UNC13B: variants seen among roughly 807,000 people sequenced by gnomAD.
UNC13B encodes the protein unc-13 homolog B, also known as protein unc-13 homolog B.
UNC13B carries 144 observed loss-of-function variants against 211.0 expected under a neutral mutation model. The observed-to-expected ratio is 0.68, with a 90% CI of 0.60 to 0.78. UNC13B has a LOEUF of 0.78. UNC13B is among the 30% of genes least tolerant of loss of function. The pLI, the probability that UNC13B is intolerant of heterozygous loss-of-function variation, is 0.00. For missense variants in UNC13B, 1,777 were observed against 2,002.0 expected, an observed-to-expected ratio of 0.89 and a Z score of 2.14; for synonymous variants, 709 against 725.8, an observed-to-expected ratio of 0.98 and a Z score of 0.37.
At chr9:35,314,090 G>T in intron 11 of UNC13B, 101 bp downstream of exon 11, 1 of 965,298 alleles carries the variant, frequency 1.0e-6, no homozygotes, top group Non-Finnish European at 1.7e-6. Flanking sequence ...TCTTCTTACA[G>T]TGTGCTTCTG....
intron 1 of UNC13B, among the ~76,000 whole-genome samples, chr9:35,209,402 G>C (rs1424214760): frequency 6.6e-6 from 1 of 151,718 alleles, no homozygotes; most frequent in Non-Finnish European, 1.5e-5. Flanking sequence ...TTTTAAAATA[G>C]AGTCTTGCTC....
chr9:35,284,146 A>C (rs777048685), intron 7 of UNC13B, among the ~76,000 whole-genome samples: 1 of 152,144 alleles, frequency 6.6e-6, no homozygotes, highest in African/African-American at 2.4e-5. Context: ...TGTAGCCTGT[A>C]GTCCAGCTAC....
chr9:35,344,846 A>G (rs919195636), intron 11 of UNC13B, among the ~76,000 whole-genome samples: 2 of 152,074 alleles, frequency 1.3e-5, no homozygotes, highest in African/African-American at 4.8e-5. Flanking sequence ...TTGTCCAACT[A>G]TGTTCTGGTT....
chr9:35,317,913 A>C (rs1830547081), intron 11 of UNC13B, among the ~76,000 whole-genome samples: 1 of 152,092 alleles, frequency 6.6e-6, no homozygotes, highest in Non-Finnish European at 1.5e-5. Flanking sequence ...AAGTTTTTTA[A>C]AAGTAAGGGT....
intron 1 of UNC13B, among the ~76,000 whole-genome samples, chr9:35,226,353 G>GGT (rs142509730): frequency 3.5e-3 from 530 of 150,544 alleles, no homozygotes; most frequent in East Asian, 7.2e-3. Flanking sequence ...GAACTGATAG[G>GGT]GTGTGTGTGT....
intron 11 of UNC13B, among the ~76,000 whole-genome samples, chr9:35,336,515 G>A (rs575345427): frequency 2.6e-5 from 4 of 151,776 alleles, no homozygotes; most frequent in East Asian, 1.9e-4. Context: ...TTATTTTTTC[G>A]AGAAAGAGTC....
chr9:35,398,403 G>C (rs1475806625), intron 31 of UNC13B, 115 bp downstream of exon 31: 2 of 1,417,030 alleles, frequency 1.4e-6, no homozygotes, highest in African/African-American at 2.8e-5. Context: ...TTGGGGTCTG[G>C]GCTGGCTTAA....
chr9:35,220,225 G>A (rs906613586), intron 1 of UNC13B, among the ~76,000 whole-genome samples: 4 of 151,830 alleles, frequency 2.6e-5, no homozygotes, highest in Admixed American at 6.6e-5. Flanking sequence ...GGCATACAGT[G>A]CTTAATCACA....
At chr9:35,183,653 G>A (rs1403367402) in intron 1 of UNC13B, among the ~76,000 whole-genome samples, 9 of 139,788 alleles carry the variant, frequency 6.4e-5, no homozygotes, top group African/African-American at 2.4e-4. Flanking sequence ...CATCCCAGAC[G>A]ATGGGCGGCC....
At chr9:35,261,740 C>T (rs1407045529) in intron 7 of UNC13B, among the ~76,000 whole-genome samples, 1 of 152,062 alleles carries the variant, frequency 6.6e-6, no homozygotes, top group African/African-American at 2.4e-5. Context: ...TTTTTGTACG[C>T]ATTAACCGTC....
At chr9:35,289,410 C>CT (rs1195041771) in intron 7 of UNC13B, among the ~76,000 whole-genome samples, 2 of 152,094 alleles carry the variant, frequency 1.3e-5, no homozygotes, top group South Asian at 2.1e-4. Flanking sequence ...GGAGTTGTGT[C>CT]TTTTTTTCTG....
intron 11 of UNC13B, among the ~76,000 whole-genome samples, chr9:35,319,444 C>T (rs1427323957): frequency 7.9e-6 from 1 of 126,500 alleles, no homozygotes; most frequent in Non-Finnish European, 1.6e-5. Context: ...AAATTAGATA[C>T]AGGGGATACC....
At chr9:35,379,720 T>C (rs1307145191) in intron 17 of UNC13B, among the ~76,000 whole-genome samples, 2 of 152,228 alleles carry the variant, frequency 1.3e-5, no homozygotes, top group Non-Finnish European at 2.9e-5. Context: ...TTCAAGAAGC[T>C]CCTTGTTGAT....
chr9:35,312,001 T>C (rs1219785916), intron 10 of UNC13B, among the ~76,000 whole-genome samples: 1 of 152,146 alleles, frequency 6.6e-6, no homozygotes, highest in Non-Finnish European at 1.5e-5. Flanking sequence ...TTCTTTGTTG[T>C]GTATATTATA....
rs752794494 is a variant in UNC13B at position 35,397,668 on chromosome 9, A to ATT, written c.11711_11712insTT (p.Leu3905SerfsTer19). The stretch of plus-strand genomic sequence containing the variant: ...GAAGGTGCTGATGCAGTATGCAGAC[A>ATT]TCTTGTCAAAGGACTTCCCAGCCTA... On this transcript the variant is annotated frameshift_variant, in exon 30 of 40. Coordinates refer to ENST00000635942, the MANE Select transcript of UNC13B (RefSeq NM_001371189.2). LOFTEE classifies it high-confidence loss of function. 1 of 1,614,086 alleles carries ATT rather than the reference A, an allele frequency of 6.2e-7. No individual in the cohort carries two copies. The highest frequency in any genetic ancestry group is 8.5e-7 in the Non-Finnish European group (1 of 1,180,006).
At chr9:35,214,982 G>C (rs1392623089) in intron 1 of UNC13B, among the ~76,000 whole-genome samples, 2 of 152,190 alleles carry the variant, frequency 1.3e-5, no homozygotes, top group Non-Finnish European at 2.9e-5. Flanking sequence ...CATTTAGTAA[G>C]TATTTGTTGA....
chr9:35,212,527 T>C (rs1291162305), intron 1 of UNC13B, among the ~76,000 whole-genome samples: 1 of 152,158 alleles, frequency 6.6e-6, no homozygotes, highest in Non-Finnish European at 1.5e-5. Flanking sequence ...GAGCTGAGAT[T>C]GTGCCACTGC....
intron 8 of UNC13B, among the ~76,000 whole-genome samples, chr9:35,296,142 C>T (rs970544170): frequency 1.4e-4 from 22 of 152,120 alleles, no homozygotes; most frequent in African/African-American, 5.3e-4. Flanking sequence ...TATATATTGC[C>T]ATAAGGAATA....
intron 1 of UNC13B, among the ~76,000 whole-genome samples, chr9:35,203,676 G>T (rs1480876828): frequency 6.6e-6 from 1 of 152,210 alleles, no homozygotes; most frequent in Non-Finnish European, 1.5e-5. Context: ...TTTCCAACCA[G>T]CAGAGTATTC....
Sources: allele counts gnomAD v4.1 joint callset (sites outside exome capture counted in the v4.1 genomes callset), GRCh38; gene constraint gnomAD v4.1.1; transcripts MANE v1.5; gene names NCBI Gene and HGNC (gene_info 2026-07-23, HGNC 2026-07-21).